Variants in ARHGAP17 observed in about 807,000 individuals in gnomAD.
The protein encoded by ARHGAP17 is Rho GTPase activating protein 17.
ARHGAP17 carries 57 observed loss-of-function variants against 99.5 expected under a neutral mutation model. That is an observed-to-expected ratio of 0.57 (90% CI 0.46 to 0.71). The LOEUF (loss-of-function observed/expected upper bound fraction) is 0.71, where lower values mean the gene tolerates loss of function less well. ARHGAP17 is among the 30% of genes least tolerant of loss of function. ARHGAP17 has a pLI of 0.00. For missense variants in ARHGAP17, 1,000 were observed against 1,122.4 expected, an observed-to-expected ratio of 0.89 and a Z score of 1.56; for synonymous variants, 417 against 429.6, an observed-to-expected ratio of 0.97 and a Z score of 0.36.
intron 6 of ARHGAP17, among the ~76,000 whole-genome samples, chr16:24,964,884 G>C (rs1774640978): frequency 6.6e-6 from 1 of 151,990 alleles, no homozygotes; most frequent in South Asian, 2.1e-4. Context: ...TAAGGTGGGA[G>C]GATCACTTGA....
intron 1 of ARHGAP17, among the ~76,000 whole-genome samples, chr16:25,000,406 A>T (rs954426771): frequency 2.0e-5 from 3 of 152,102 alleles, no homozygotes; most frequent in African/African-American, 7.2e-5. Context: ...CCAGCATGGG[A>T]ACTGTAACTA....
intron 1 of ARHGAP17, among the ~76,000 whole-genome samples, chr16:24,994,449 C>A (rs1172900522): frequency 3.3e-5 from 5 of 152,144 alleles, no homozygotes; most frequent in Admixed American, 3.3e-4. Context: ...TTCGGGTTCC[C>A]TTCCATGAGC....
chr16:24,974,105 G>C (rs555873839), intron 3 of ARHGAP17, among the ~76,000 whole-genome samples: 1 of 152,350 alleles, frequency 6.6e-6, no homozygotes, highest in South Asian at 2.1e-4. Context: ...GATACTTCCT[G>C]TGTGGAACTA....
intron 1 of ARHGAP17, among the ~76,000 whole-genome samples, chr16:24,998,372 C>T (rs994389520): frequency 5.9e-5 from 9 of 152,064 alleles, no homozygotes; most frequent in Admixed American, 2.0e-4. Context: ...CAAGGCAGCG[C>T]CCAGGACAGC....
chr16:24,931,655 A>G (rs2050995899), intron 18 of ARHGAP17, among the ~76,000 whole-genome samples: 1 of 152,136 alleles, frequency 6.6e-6, no homozygotes, highest in African/African-American at 2.4e-5. Context: ...CAAAACCATC[A>G]AGGCCATAGA....
intron 19 of ARHGAP17, among the ~76,000 whole-genome samples, chr16:24,924,756 A>G (rs1286597912): frequency 6.6e-6 from 1 of 151,998 alleles, no homozygotes; most frequent in African/African-American, 2.4e-5. Flanking sequence ...CCAGCTACTC[A>G]GGAGGCTGAG....
Position 24,927,690 on chromosome 16 carries a change from A to C in ARHGAP17, c.2515+3094T>G, listed in dbSNP as rs761380580. 40 of 1,215,476 alleles carry C rather than the reference A, an allele frequency of 3.3e-5. No homozygotes were observed. The Admixed American group carries it at 3.4e-4, about 10-fold the overall frequency. 75.3% of individuals were successfully genotyped at this position (1,215,476 alleles called of 1,614,324 possible). On this transcript the variant is annotated intron_variant, in intron 19 of 19. Transcript: ENST00000289968. ...TCAGGTGCCTTTTCCTTACCATTAA[A>C]TATTCCAATCTCAGTTCTTACTGAA...
intron 17 of ARHGAP17, 38 bp from the exon 18 acceptor site, chr16:24,935,677 C>T (rs1216660832): frequency 1.2e-6 from 2 of 1,600,454 alleles, no homozygotes; most frequent in African/African-American, 2.7e-5. Context: ...GTCAGACAAT[C>T]CCAGCTAGAA....
At chr16:24,973,451 T>G (rs55968743) in intron 3 of ARHGAP17, among the ~76,000 whole-genome samples, 8,488 of 152,256 alleles carry the variant, frequency 0.056, 338 homozygotes, top group Middle Eastern at 0.13. Context: ...TCTTCCCAAG[T>G]GCAAAGTGTA....
At chr16:24,999,532 C>CA (rs748341500) in intron 1 of ARHGAP17, among the ~76,000 whole-genome samples, 32 of 152,206 alleles carry the variant, frequency 2.1e-4, no homozygotes, top group Non-Finnish European at 4.3e-4. Context: ...TCTTCTATCT[C>CA]AGCCTCCTGA....
intron 1 of ARHGAP17, among the ~76,000 whole-genome samples, chr16:24,990,503 A>C (rs559918858): frequency 6.6e-6 from 1 of 151,950 alleles, no homozygotes; most frequent in Admixed American, 6.5e-5. Context: ...AAAAAAATTA[A>C]AACAATTAGC....
At chr16:24,967,281 G>T (rs75662259) in intron 6 of ARHGAP17, among the ~76,000 whole-genome samples, 4,919 of 152,282 alleles carry the variant, frequency 0.032, 275 homozygotes, top group African/African-American at 0.11. Context: ...ACACAGCCAT[G>T]CTCATTCATG....
intron 1 of ARHGAP17, among the ~76,000 whole-genome samples, chr16:24,987,784 T>C (rs2052918953): frequency 6.6e-6 from 1 of 152,166 alleles, no homozygotes; most frequent in South Asian, 2.1e-4. Context: ...GACTGATACG[T>C]CAATTAAAAT....
intron 6 of ARHGAP17, 27 bp downstream of exon 6, chr16:24,968,324 T>C (rs374581347): frequency 1.1e-5 from 18 of 1,611,664 alleles, no homozygotes; most frequent in East Asian, 4.5e-5. Context: ...TGGGACACAA[T>C]GCTGCATTGC....
intron 10 of ARHGAP17, among the ~76,000 whole-genome samples, chr16:24,953,423 C>A (rs1046505212): frequency 6.6e-6 from 1 of 152,130 alleles, no homozygotes; most frequent in African/African-American, 2.4e-5. Flanking sequence ...AAGGCAGGGC[C>A]TGGTGGGAGG....
At chr16:24,995,651 G>A (rs977303195) in intron 1 of ARHGAP17, among the ~76,000 whole-genome samples, 2 of 152,194 alleles carry the variant, frequency 1.3e-5, no homozygotes, top group Non-Finnish European at 1.5e-5. Flanking sequence ...GGGTGGGCAG[G>A]AGAGCCAAGG....
chr16:24,949,340 G>T lies in ARHGAP17; in HGVS notation c.1127+64C>A. The T allele has an allele frequency of 3.1e-6, 4 of 1,306,804 alleles. No homozygotes were observed. In the South Asian group the frequency reaches 5.2e-5, roughly 17 times the overall value. The allele number at this position is 1,306,804 out of a possible 1,614,324, so 81.0% of individuals were successfully genotyped here. On this transcript the variant is annotated intron_variant, in intron 13 of 19. Transcript: ENST00000289968. Reference sequence around the variant, plus strand: ...TGTGCCAAGTATGCCTGAATTAAATGACTTCTCTGCTGGGCATTAAACTTA... The same window carrying T: ...TGTGCCAAGTATGCCTGAATTAAATTACTTCTCTGCTGGGCATTAAACTTA...
chr16:24,982,651 A>G (rs942503164), intron 1 of ARHGAP17, among the ~76,000 whole-genome samples: 11 of 151,972 alleles, frequency 7.2e-5, no homozygotes, highest in Non-Finnish European at 1.5e-4. Context: ...CTCCCTCATC[A>G]CTGTGACTGG....
intron 1 of ARHGAP17, among the ~76,000 whole-genome samples, chr16:24,992,827 T>C (rs1190994375): frequency 6.6e-6 from 1 of 152,210 alleles, no homozygotes; most frequent in Admixed American, 6.5e-5. Flanking sequence ...TTTTTAGAGA[T>C]GGGGTCTGTC....
Sources: gnomAD v4.1 joint callset for allele counts (sites outside exome capture counted in the v4.1 genomes callset) on GRCh38, gnomAD v4.1.1 for gene constraint, MANE v1.5 for transcripts, NCBI Gene and HGNC (gene_info 2026-07-23, HGNC 2026-07-21) for gene names.